The following GRIK2 variants were observed in gnomAD, a reference collection of about 807,000 sequenced individuals.
GRIK2 encodes glutamate receptor ionotropic, kainate 2.
In GRIK2, 32 loss-of-function variants were observed where a neutral mutation model predicts 100.3. That is an observed-to-expected ratio of 0.32 (90% confidence interval 0.24 to 0.43). The LOEUF is 0.43. Ranked by LOEUF, GRIK2 falls within the 20% of genes least tolerant of loss-of-function variation. GRIK2 has a pLI of 1.00. For synonymous variants in GRIK2, 417 were observed against 389.4 expected (o/e 1.07, Z -0.83); for missense variants, 843 against 1,114.9 (o/e 0.76, Z 3.47).
chr6:101,605,726 T>C (rs913692509), intron 2 of GRIK2, among the ~76,000 whole-genome samples: 10 of 151,968 alleles, frequency 6.6e-5, no homozygotes, highest in African/African-American at 2.4e-4. Flanking sequence ...TTTCCTTTTA[T>C]GTAGATATTT....
chr6:101,535,170 A>G (rs1052574680), intron 2 of GRIK2, among the ~76,000 whole-genome samples: 2 of 151,792 alleles, frequency 1.3e-5, no homozygotes, highest in African/African-American at 4.8e-5. Context: ...TATTAATGTA[A>G]CAAAATGTAT....
chr6:101,774,543 A>G (rs1387005523), intron 7 of GRIK2, among the ~76,000 whole-genome samples: 1 of 152,200 alleles, frequency 6.6e-6, no homozygotes, highest in Non-Finnish European at 1.5e-5. Context: ...GGACATTAGT[A>G]AGAGCTTTGT....
chr6:101,702,207 C>T (rs1266776413), intron 7 of GRIK2, among the ~76,000 whole-genome samples: 1 of 151,976 alleles, frequency 6.6e-6, no homozygotes, highest in Non-Finnish European at 1.5e-5. Flanking sequence ...GATAAAGGTA[C>T]TTTGCAAGTA....
intron 8 of GRIK2, among the ~76,000 whole-genome samples, chr6:101,801,550 A>AT (rs994754247): frequency 1.3e-5 from 2 of 152,054 alleles, no homozygotes; most frequent in African/African-American, 4.8e-5. Flanking sequence ...GGTCTTGGTT[A>AT]TATTATTTTA....
intron 2 of GRIK2, among the ~76,000 whole-genome samples, chr6:101,537,212 A>G (rs1775742071): frequency 6.6e-6 from 1 of 151,790 alleles, no homozygotes; most frequent in Admixed American, 6.6e-5. Flanking sequence ...ATGAATTCAT[A>G]TTAAATATTA....
At chr6:101,428,684 T>TA (rs5878663) in intron 2 of GRIK2, among the ~76,000 whole-genome samples, 8,644 of 152,250 alleles carry the variant, frequency 0.057, 402 homozygotes, top group South Asian at 0.14. Context: ...TATATTAGTT[T>TA]AAAAATATGT....
chr6:101,650,678 A>G (rs939305483), intron 4 of GRIK2, among the ~76,000 whole-genome samples: 5 of 152,142 alleles, frequency 3.3e-5, no homozygotes, highest in African/African-American at 1.2e-4. Context: ...GTGGCCCATT[A>G]TCAATGCCAG....
At chr6:101,820,464 TTC>T (rs1781888152) in intron 10 of GRIK2, among the ~76,000 whole-genome samples, 1 of 151,338 alleles carries the variant, frequency 6.6e-6, no homozygotes, top group Non-Finnish European at 1.5e-5. Context: ...CTCCTTCTTC[TTC>T]GATGGAGTCT....
chr6:102,057,416 C>T (rs575498099), intron 16 of GRIK2, among the ~76,000 whole-genome samples: 54 of 152,008 alleles, frequency 3.6e-4, no homozygotes, highest in Non-Finnish European at 5.2e-4. Context: ...AATTTTGTAA[C>T]GTATCGTGCT....
At chr6:101,985,720 G>A (rs1159228751) in intron 14 of GRIK2, among the ~76,000 whole-genome samples, 1 of 151,710 alleles carries the variant, frequency 6.6e-6, no homozygotes, top group Non-Finnish European at 1.5e-5. Flanking sequence ...CTTAAAAGAA[G>A]GTTCTTAGAA....
intron 7 of GRIK2, among the ~76,000 whole-genome samples, chr6:101,720,183 G>C (rs749892284): frequency 6.6e-6 from 1 of 151,338 alleles, no homozygotes; most frequent in Non-Finnish European, 1.5e-5. Flanking sequence ...ACTGCATTTT[G>C]AATGTATATC....
At chr6:101,760,533 A>G (rs1347821547) in intron 7 of GRIK2, among the ~76,000 whole-genome samples, 3 of 87,164 alleles carry the variant, frequency 3.4e-5, no homozygotes, top group Non-Finnish European at 6.0e-5. Context: ...AATTAATTAT[A>G]TTTAATTATA....
intron 12 of GRIK2, among the ~76,000 whole-genome samples, chr6:101,923,925 CAAA>C (rs768844963): frequency 1.6e-5 from 1 of 60,782 alleles, no homozygotes; most frequent in African/African-American, 5.2e-5. Flanking sequence ...ATTCTGTCTC[CAAA>C]AAAAAAAAAA....
chr6:101,682,437 A>G, intron 5 of GRIK2, 116 bp from the exon 6 acceptor site: 2 of 670,398 alleles, frequency 3.0e-6, no homozygotes, highest in Non-Finnish European at 5.4e-6. Context: ...TGTATGTAAC[A>G]TGAATATTGT....
chr6:101,765,801 G>T (rs7739324), intron 7 of GRIK2, among the ~76,000 whole-genome samples: 11,013 of 152,126 alleles, frequency 0.072, 689 homozygotes, highest in African/African-American at 0.16. Context: ...GGTTTCATCT[G>T]AGTGCATGTG....
intron 7 of GRIK2, among the ~76,000 whole-genome samples, chr6:101,779,077 T>A (rs1435322845): frequency 1.3e-5 from 2 of 152,314 alleles, no homozygotes; most frequent in African/African-American, 4.8e-5. Flanking sequence ...TTAGAACATC[T>A]AATTTCTTAA....
chr6:101,827,597 G>A (rs938698484), intron 10 of GRIK2, among the ~76,000 whole-genome samples: 1 of 151,374 alleles, frequency 6.6e-6, no homozygotes, highest in Non-Finnish European at 1.5e-5. Context: ...TCACACAGGT[G>A]GAAAACAAAA....
At chr6:101,821,944 T>A (rs982389696) in intron 10 of GRIK2, among the ~76,000 whole-genome samples, 1 of 152,104 alleles carries the variant, frequency 6.6e-6, no homozygotes, top group Non-Finnish European at 1.5e-5. Context: ...TAACTTGTGC[T>A]TCTTGTTCAA....
At chr6:101,694,538 A>T (rs1164569323) in intron 7 of GRIK2, among the ~76,000 whole-genome samples, 1 of 152,156 alleles carries the variant, frequency 6.6e-6, no homozygotes, top group Non-Finnish European at 1.5e-5. Context: ...AGAGAGTAAG[A>T]GATGGAATTG....
Sources: gnomAD v4.1 joint callset for allele counts (sites outside exome capture counted in the v4.1 genomes callset) on GRCh38, gnomAD v4.1.1 for gene constraint, MANE v1.5 for transcripts, NCBI Gene and HGNC (gene_info 2026-07-23, HGNC 2026-07-21) for gene names.